AKAP13: variants seen among roughly 807,000 people sequenced by gnomAD.
AKAP13 encodes the protein A-kinase anchor protein 13.
A neutral mutation model predicts 264.5 loss-of-function variants in AKAP13; 80 were observed. The observed-to-expected ratio is 0.30, with a 90% CI of 0.25 to 0.36. AKAP13 has a LOEUF of 0.36. AKAP13 is among the 10% of genes least tolerant of loss of function. The pLI is 1.00. For synonymous variants in AKAP13, 1,380 were observed against 1,250.2 expected (o/e 1.10, Z -2.19); for missense variants, 3,712 against 3,435.2 (o/e 1.08, Z -2.01).
intron 14 of AKAP13, among the ~76,000 whole-genome samples, chr15:85,677,930 G>A (rs1328314569): frequency 6.6e-6 from 1 of 152,166 alleles, no homozygotes; most frequent in African/African-American, 2.4e-5. Context: ...TTACAGGCAT[G>A]AGCCACAGCG....
rs35368099 is a variant in AKAP13 at position 85,743,800 on chromosome 15, C to A, written c.8367C>A (p.Asn2789Lys). Residue 2789 changes from asparagine (N) to lysine (K), a missense_variant, in exon 36 of 37, where the codon AAC becomes AAA. By Grantham distance (94) the Asn-to-Lys change is moderately conservative. Transcript: ENST00000394518. Reference protein sequence around the residue: ...PKEKKEKKKKNKTSRSQPGDG... With the variant: ...PKEKKEKKKKKKTSRSQPGDG... ...AAAAGAAGGAGAAAAAAAAGAAGAA[C>A]AAAACCAGCCGCTCTCAGCCCGGTG... 646 of 1,611,492 alleles carry A rather than the reference C, an allele frequency of 4.0e-4. 4 individuals are homozygous for A. The African/African-American group carries it at 7.5e-3, about 19-fold the overall frequency.
At chr15:85,542,048 A>T (rs2077595534) in intron 4 of AKAP13, among the ~76,000 whole-genome samples, 1 of 152,228 alleles carries the variant, frequency 6.6e-6, no homozygotes, top group Non-Finnish European at 1.5e-5. Context: ...CTAGCCTCTA[A>T]AGAATCAGGT....
At chr15:85,711,679 T>A (rs2086639780) in intron 19 of AKAP13, among the ~76,000 whole-genome samples, 1 of 152,244 alleles carries the variant, frequency 6.6e-6, no homozygotes, top group East Asian at 1.9e-4. Context: ...ATTAATATCT[T>A]CTTAGCTGGC....
At chr15:85,388,237 G>A (rs2070681534) in intron 1 of AKAP13, among the ~76,000 whole-genome samples, 1 of 151,634 alleles carries the variant, frequency 6.6e-6, no homozygotes, top group African/African-American at 2.4e-5. Flanking sequence ...TGGAGACTGG[G>A]TTTCACCATG....
chr15:85,542,564 C>T lies in AKAP13; in HGVS notation c.479-1208C>T, dbSNP rs143437611. Among the ~76,000 whole-genome samples the T allele has an allele frequency of 2.9e-4, 44 of 152,244 alleles. 1 individual carries two copies. The highest frequency in any genetic ancestry group is 1.8e-3 in the Admixed American group (28 of 15,292). On this transcript the variant is annotated intron_variant, in intron 4 of 36. Coordinates refer to ENST00000394518, the MANE Select transcript of AKAP13 (RefSeq NM_007200.5). Reference sequence around the variant, plus strand: ...AGTGCTTAGTGAAGAAGTTTAGACCCGTGGGAGGCCATGAAGAAAGAGATG... The same window carrying T: ...AGTGCTTAGTGAAGAAGTTTAGACCTGTGGGAGGCCATGAAGAAAGAGATG...
rs533672590 is a variant in AKAP13 at position 85,561,093 on chromosome 15, C to T, written c.663-14038C>T. On this transcript the variant is annotated intron_variant, in intron 5 of 36. Transcript: ENST00000394518. ...TTTTTTTTTAAGACGGAGTTTGACT[C>T]GCCGCCCAGGCTGGAGTGCAACGGC... Among the ~76,000 whole-genome samples, 4 of 145,836 alleles carry T rather than the reference C, an allele frequency of 2.7e-5. 1 individual carries two copies. The East Asian group carries it at 6.0e-4, about 22-fold the overall frequency.
intron 8 of AKAP13, among the ~76,000 whole-genome samples, chr15:85,599,010 C>G (rs1237334185): frequency 6.6e-6 from 1 of 152,186 alleles, no homozygotes. Flanking sequence ...ACACAATAGG[C>G]TATGTTCCTT....
At chr15:85,554,647 T>C (rs2078076658) in intron 5 of AKAP13, among the ~76,000 whole-genome samples, 1 of 152,186 alleles carries the variant, frequency 6.6e-6, no homozygotes, top group South Asian at 2.1e-4. Flanking sequence ...ATTAGAATTA[T>C]ACCAGCCCTC....
At chr15:85,642,329 T>C (rs2082345335) in intron 9 of AKAP13, among the ~76,000 whole-genome samples, 1 of 152,234 alleles carries the variant, frequency 6.6e-6, no homozygotes, top group Non-Finnish European at 1.5e-5. Flanking sequence ...GAATTTTTCT[T>C]CTATTAAGTA....
rs941066988 is a variant in AKAP13 at position 85,717,294 on chromosome 15, G to C, written c.5740G>C (p.Gly1914Arg). 6 of 1,603,676 alleles carry C rather than the reference G, an allele frequency of 3.7e-6. No homozygotes were observed. Among genetic ancestry groups the C allele is most frequent in the Non-Finnish European group, 5.1e-6 (6 of 1,175,732 alleles). Residue 1914 changes from glycine (G) to arginine (R), a missense_variant, in exon 21 of 37, where the codon GGC becomes CGC. This residue lies in a region of AKAP13 where 2,759 missense variants were observed against 2,411.7 expected (regional missense o/e 1.14). Coordinates refer to ENST00000394518, the MANE Select transcript of AKAP13 (RefSeq NM_007200.5). ...GTATTTTTCTTTTGTCCCCAGAGTT[G>C]GCAATGATGAGAACATGTCAAACAC... ...SVSIQNITGVGNDENMSNTWK... is the reference protein window; with the variant it reads ...SVSIQNITGVRNDENMSNTWK...
Position 85,739,604 on chromosome 15 carries a change from TC to T in AKAP13, c.7558-616del, listed in dbSNP as rs2088808026. Among the ~76,000 whole-genome samples the T allele has an allele frequency of 2.0e-5, 3 of 152,312 alleles. No homozygotes were observed. In the South Asian group the frequency reaches 6.2e-4, roughly 32 times the overall value. On this transcript the variant is annotated intron_variant, in intron 33 of 36. Transcript: ENST00000394518. ...TTTTGAAAAAAATCTTCTGGTTTCT[TC>T]CATTACTTCTGTGTTTGCAAAGCCT...
intron 1 of AKAP13, among the ~76,000 whole-genome samples, chr15:85,382,719 C>A (rs932712582): frequency 6.6e-6 from 1 of 152,242 alleles, no homozygotes; most frequent in Admixed American, 6.5e-5. Context: ...TGGACTCCTC[C>A]TCTAGTCCTT....
At position 85,718,903 on chromosome 15, in the gene AKAP13, A is replaced by G. The variant is rs2087118939; in HGVS notation, c.6002-173A>G. ...GACAGAGCCAGAACCTGTCTTAAAAAAAAAACAAAAAAACAAAAAAACGAG... is the reference window on the plus strand; with the variant it reads ...GACAGAGCCAGAACCTGTCTTAAAAGAAAAACAAAAAAACAAAAAAACGAG... On this transcript the variant is annotated intron_variant, in intron 22 of 36. Coordinates refer to ENST00000394518, the MANE Select transcript of AKAP13 (RefSeq NM_007200.5). This position sits in a 1 kb window ranked among gnomAD's most constrained non-coding sequence, Gnocchi z 4.9. 4.3e-6 allele frequency: 4 copies of G among 921,006 alleles called. No homozygotes were observed. In the African/African-American group the frequency reaches 6.7e-5, roughly 15 times the overall value. 57.1% of individuals were successfully genotyped at this position (921,006 alleles called of 1,614,324 possible). A position where few individuals can be genotyped will look rare whatever the true frequency, so the allele number is the denominator to read the frequency against.
chr15:85,452,820 G>A (rs1567064504), intron 1 of AKAP13, among the ~76,000 whole-genome samples: 2 of 152,204 alleles, frequency 1.3e-5, no homozygotes, highest in East Asian at 3.9e-4. Context: ...AGTGCTGGCT[G>A]TAGTTCATGA....
intron 29 of AKAP13, among the ~76,000 whole-genome samples, chr15:85,728,437 C>A (rs1384907394): frequency 6.6e-6 from 1 of 152,164 alleles, no homozygotes; most frequent in Admixed American, 6.5e-5. Context: ...TAAAAATCTT[C>A]CTTCTTTAAA....
chr15:85,414,195 G>A (rs2072123521), intron 1 of AKAP13, among the ~76,000 whole-genome samples: 1 of 152,058 alleles, frequency 6.6e-6, no homozygotes, highest in Non-Finnish European at 1.5e-5. Flanking sequence ...TGTATAATTG[G>A]TACTTGTCTT....
At chr15:85,566,579 A>G (rs2078612412) in intron 5 of AKAP13, among the ~76,000 whole-genome samples, 1 of 152,186 alleles carries the variant, frequency 6.6e-6, no homozygotes, top group South Asian at 2.1e-4. Flanking sequence ...CTAGACCATT[A>G]AAACAAAGTT....
chr15:85,687,057 C>T (rs923655176), intron 16 of AKAP13, among the ~76,000 whole-genome samples: 25 of 152,136 alleles, frequency 1.6e-4, no homozygotes, highest in African/African-American at 6.0e-4. Flanking sequence ...GAATGTACCA[C>T]TCATCTCATG....
intron 2 of AKAP13, among the ~76,000 whole-genome samples, 173 bp from the exon 3 acceptor site, chr15:85,521,255 A>G (rs1168787898): frequency 1.3e-5 from 2 of 152,264 alleles, no homozygotes; most frequent in Non-Finnish European, 2.9e-5. Context: ...GTGAATGCCT[A>G]GATGATTGCC....
Sources: gnomAD v4.1 joint callset for allele counts (sites outside exome capture counted in the v4.1 genomes callset) on GRCh38, gnomAD v4.1.1 for gene constraint, gnomAD v4.1.1 regional missense constraint, Gnocchi (gnomAD v3.1) non-coding constraint, MANE v1.5 for transcripts, NCBI Gene and HGNC (gene_info 2026-07-23, HGNC 2026-07-21) for gene names.